The following ERBB4 variants were observed in gnomAD, a reference collection of about 807,000 sequenced individuals.
The protein encoded by ERBB4 is erb-b2 receptor tyrosine kinase 4.
ERBB4 carries 42 observed loss-of-function variants against 158.0 expected under a neutral mutation model. That is an observed-to-expected ratio of 0.27 (90% CI 0.21 to 0.34). The LOEUF is 0.34. ERBB4 is among the 10% of genes least tolerant of loss of function. The pLI is 1.00. For missense variants in ERBB4, 1,333 were observed against 1,624.1 expected, an observed-to-expected ratio of 0.82 and a Z score of 3.08; for synonymous variants, 583 against 558.7, an observed-to-expected ratio of 1.04 and a Z score of -0.61.
chr2:211,705,277 T>A (rs763244284), intron 10 of ERBB4, 41 bp downstream of exon 10: 2 of 1,368,330 alleles, frequency 1.5e-6, no homozygotes, highest in Non-Finnish European at 2.1e-6. Context: ...TTAAAAAAAT[T>A]ATATTGTTCA....
At chr2:211,709,256 T>TATATATATATATATACATACAC (rs2073584352) in intron 9 of ERBB4, among the ~76,000 whole-genome samples, 1 of 71,168 alleles carries the variant, frequency 1.4e-5, no homozygotes, top group East Asian at 2.1e-3. Context: ...TATATACACA[T>TATATATATATATATACATACAC]ATATATATAT....
chr2:212,383,112 A>G (rs1305134472), intron 1 of ERBB4, among the ~76,000 whole-genome samples: 2 of 151,332 alleles, frequency 1.3e-5, no homozygotes, highest in East Asian at 3.9e-4. Context: ...TAATAAATCA[A>G]GTGTGTTTAC....
At chr2:212,254,937 T>C (rs2084671280) in intron 1 of ERBB4, among the ~76,000 whole-genome samples, 1 of 152,198 alleles carries the variant, frequency 6.6e-6, no homozygotes, top group South Asian at 2.1e-4. Context: ...TTTCAAAACA[T>C]TCAGATGTCA....
intron 4 of ERBB4, among the ~76,000 whole-genome samples, chr2:211,785,258 C>T (rs886390973): frequency 2.6e-5 from 4 of 152,012 alleles, no homozygotes; most frequent in East Asian, 1.9e-4. Context: ...CCTGCCACCA[C>T]GCCCGGCTAA....
chr2:211,941,139 C>G (rs527862135), intron 3 of ERBB4, among the ~76,000 whole-genome samples: 149 of 152,154 alleles, frequency 9.8e-4, no homozygotes, highest in Non-Finnish European at 1.8e-3. Context: ...ATGGACTCTT[C>G]CGAAGAATGT....
At chr2:211,690,721 G>C (rs988287561) in intron 12 of ERBB4, among the ~76,000 whole-genome samples, 1 of 152,032 alleles carries the variant, frequency 6.6e-6, no homozygotes, top group East Asian at 1.9e-4. Context: ...AGAAATTTTC[G>C]ATCAGCACCA....
At chr2:212,115,697 C>T (rs2079550909) in intron 2 of ERBB4, among the ~76,000 whole-genome samples, 2 of 151,960 alleles carry the variant, frequency 1.3e-5, no homozygotes, top group Admixed American at 6.6e-5. Context: ...TTTGTAGAAA[C>T]AGGGTCTCAC....
intron 1 of ERBB4, among the ~76,000 whole-genome samples, chr2:212,229,829 C>T (rs549876557): frequency 5.9e-5 from 9 of 152,196 alleles, no homozygotes; most frequent in Non-Finnish European, 1.0e-4. Flanking sequence ...GAATGGAAAA[C>T]GAGTCCCATT....
intron 3 of ERBB4, among the ~76,000 whole-genome samples, chr2:211,848,181 A>C (rs2077634256): frequency 6.6e-6 from 1 of 152,104 alleles, no homozygotes; most frequent in African/African-American, 2.4e-5. Flanking sequence ...TATTGGCTCA[A>C]CAAGTAGAAT....
chr2:211,448,823 TG>T, intron 20 of ERBB4, among the ~76,000 whole-genome samples: 1 of 152,178 alleles, frequency 6.6e-6, no homozygotes. Flanking sequence ...TTCTTTCTAT[TG>T]AGACAGTTCA....
At chr2:212,532,285 A>G (rs536944998) in intron 1 of ERBB4, among the ~76,000 whole-genome samples, 2 of 152,332 alleles carry the variant, frequency 1.3e-5, no homozygotes, top group African/African-American at 4.8e-5. Context: ...ACACCAGTGC[A>G]GGAGAGTAGA....
At chr2:211,732,740 C>T (rs993788982) in intron 5 of ERBB4, among the ~76,000 whole-genome samples, 2 of 152,104 alleles carry the variant, frequency 1.3e-5, no homozygotes, top group African/African-American at 2.4e-5. Context: ...AGGCAAATCA[C>T]GAGGTCACGA....
At chr2:212,399,526 G>GAT (rs1560213853) in intron 1 of ERBB4, among the ~76,000 whole-genome samples, 1 of 130,404 alleles carries the variant, frequency 7.7e-6, no homozygotes, top group African/African-American at 2.7e-5. Flanking sequence ...TGCCTCCCCT[G>GAT]ATATATATTT....
intron 3 of ERBB4, among the ~76,000 whole-genome samples, chr2:211,860,957 T>A (rs13016489): frequency 2.4e-3 from 182 of 75,390 alleles, no homozygotes; most frequent in South Asian, 8.0e-3. Context: ...TATATATATA[T>A]AAATATATAA....
At chr2:212,151,840 GATTGCACC>G (rs1559605247) in intron 1 of ERBB4, among the ~76,000 whole-genome samples, 1 of 152,060 alleles carries the variant, frequency 6.6e-6, no homozygotes, top group Non-Finnish European at 1.5e-5. Context: ...AGTGAGCTGA[GATTGCACC>G]ACTGCACTCC....
intron 1 of ERBB4, among the ~76,000 whole-genome samples, chr2:212,375,153 A>G (rs1294581877): frequency 6.6e-6 from 1 of 152,064 alleles, no homozygotes; most frequent in Non-Finnish European, 1.5e-5. Context: ...AATAGAACAC[A>G]TAACCAAGCC....
rs139421588 is a variant in ERBB4, at chr2:211,849,545, T to C, written c.422-61386A>G. Among the ~76,000 whole-genome samples, 270 of 152,098 alleles carry C rather than the reference T, an allele frequency of 1.8e-3. 2 individuals are homozygous for C. The highest frequency in any genetic ancestry group is 3.1e-3 in the Non-Finnish European group (210 of 67,884). On this transcript the variant is annotated intron_variant, in intron 3 of 27. Coordinates refer to ENST00000342788, the MANE Select transcript of ERBB4 (RefSeq NM_005235.3). ...GAGCAAGATTCCTTTAAAATAGGTA[T>C]ATGGTGCTAACTCTTAGATTTCCAA...
chr2:212,304,759 A>G (rs1230331050), intron 1 of ERBB4, among the ~76,000 whole-genome samples: 5 of 151,484 alleles, frequency 3.3e-5, no homozygotes, highest in Admixed American at 2.0e-4. Flanking sequence ...TAGTAACTAA[A>G]AAAGCTAAAG....
At chr2:212,442,115 A>G (rs957710756) in intron 1 of ERBB4, among the ~76,000 whole-genome samples, 2 of 152,226 alleles carry the variant, frequency 1.3e-5, no homozygotes, top group South Asian at 2.1e-4. Context: ...CAATAAGAAT[A>G]GTCTGACTCG....
Sources: gnomAD v4.1 joint callset for allele counts (sites outside exome capture counted in the v4.1 genomes callset) on GRCh38, gnomAD v4.1.1 for gene constraint, MANE v1.5 for transcripts, NCBI Gene and HGNC (gene_info 2026-07-23, HGNC 2026-07-21) for gene names.